The following YLPM1 variants were observed in gnomAD, a reference collection of about 807,000 sequenced individuals.
YLPM1 encodes the protein YLP motif containing 1.
YLPM1 carries 99 observed loss-of-function variants against 230.0 expected under a neutral mutation model. The ratio of observed to expected loss-of-function variants is 0.43; its 90% CI spans 0.37 to 0.51. The LOEUF (loss-of-function observed/expected upper bound fraction) is 0.51. Among genes scored for constraint, YLPM1 ranks in the 20% least tolerant of loss-of-function variants. YLPM1 has a pLI of 0.00. For synonymous variants in YLPM1, 984 were observed against 942.5 expected (o/e 1.04, Z -0.81); for missense variants, 2,592 against 2,707.7 (o/e 0.96, Z 0.95).
chr14:74,829,683 G>C (rs2091593212), intron 19 of YLPM1, among the ~76,000 whole-genome samples: 1 of 152,134 alleles, frequency 6.6e-6, no homozygotes, highest in African/African-American at 2.4e-5. Flanking sequence ...TAATGGATGG[G>C]ATGTGGAGGG....
Position 74,763,473 on chromosome 14 carries a change from G to C in YLPM1, c.-17G>C, listed in dbSNP as rs1181690827. The C allele has an allele frequency of 6.9e-7, 1 of 1,439,624 alleles. No individual in the cohort carries two copies. The highest frequency in any genetic ancestry group is 1.5e-5 in the South Asian group (1 of 66,132). The allele number at this position is 1,439,624 out of a possible 1,614,324, so 89.2% of individuals were successfully genotyped here. A position where few individuals can be genotyped will look rare whatever the true frequency, so the allele number is the denominator to read the frequency against. ...GAGTAACGGCGCCAGGACGAGCCCTGCGCCTTCTTTTTCGATATGTACCCG... is the reference window on the plus strand; with the variant it reads ...GAGTAACGGCGCCAGGACGAGCCCTCCGCCTTCTTTTTCGATATGTACCCG... On this transcript the variant is annotated 5_prime_UTR_variant, in exon 1 of 21. Transcript: ENST00000325680.
chr14:74,820,014 A>G (rs2091508635), intron 16 of YLPM1, among the ~76,000 whole-genome samples: 1 of 152,198 alleles, frequency 6.6e-6, no homozygotes, highest in Non-Finnish European at 1.5e-5. Flanking sequence ...GAATTATATT[A>G]CTATCTAAAT....
At position 74,763,768 on chromosome 14, in the gene YLPM1, G is replaced by A. The variant is rs748636491; in HGVS notation, c.279G>A (p.Pro93=). ...PPPLPPPPVM[P]GGGYGDWQPP... is the part of the protein sequence containing the mutation. Reference sequence around the variant, plus strand: ...CTCTGCCGCCCCCGCCAGTGATGCCGGGGGGCGGCTACGGAGACTGGCAGC... The same window carrying A: ...CTCTGCCGCCCCCGCCAGTGATGCCAGGGGGCGGCTACGGAGACTGGCAGC... The change falls in exon 1 of 21, where the codon CCG becomes CCA. Residue 93 remains proline, a synonymous_variant. Coordinates refer to ENST00000325680, the MANE Select transcript of YLPM1 (RefSeq NM_019589.3). The A allele has an allele frequency of 3.7e-5, 55 of 1,474,544 alleles. No homozygotes were observed. The highest frequency in any genetic ancestry group is 4.6e-5 in the Non-Finnish European group (51 of 1,112,346). 91.3% of individuals were successfully genotyped at this position (1,474,544 alleles called of 1,614,324 possible). A position where few individuals can be genotyped will look rare whatever the true frequency, so the allele number is the denominator to read the frequency against.
chr14:74,766,049 A>G (rs1341103549), intron 1 of YLPM1, among the ~76,000 whole-genome samples: 7 of 152,184 alleles, frequency 4.6e-5, no homozygotes, highest in African/African-American at 1.7e-4. Flanking sequence ...GTTTCCATGA[A>G]GCCCTGCTTG....
At position 74,780,449 on chromosome 14, in the gene YLPM1, T is replaced by C; in HGVS notation, c.1155T>C (p.Ala385=). 1 of 1,613,896 alleles carries C rather than the reference T, an allele frequency of 6.2e-7. No individual in the cohort carries two copies. ...ATGCCAGGTTAAAGCAGTTGCAGGC[T>C]GCAGCAGCACACTGGCAGCAGCACC... is the stretch of plus-strand genomic sequence containing the variant. ...EEDARLKQLQ[A]AAAHWQQHQQ... Residue 385 remains alanine, a synonymous_variant, in exon 3 of 21, where the codon GCT becomes GCC. Transcript: ENST00000325680.
At chr14:74,808,803 T>G (rs566307281) in intron 6 of YLPM1, among the ~76,000 whole-genome samples, 1,010 of 87,108 alleles carry the variant, frequency 0.012, 16 homozygotes, top group African/African-American at 0.045. Flanking sequence ...AAACTCCGTC[T>G]CAAAAAAAAA....
chr14:74,780,373 T>TTACA (rs750522505), intron 2 of YLPM1, 32 bp from the exon 3 acceptor site: 2 of 1,570,664 alleles, frequency 1.3e-6, no homozygotes, highest in Admixed American at 3.8e-5. Flanking sequence ...GTTTTATGAC[T>TTACA]TACATAAAGA....
chr14:74,779,807 C>T (rs1339916750), intron 2 of YLPM1, among the ~76,000 whole-genome samples: 1 of 146,956 alleles, frequency 6.8e-6, no homozygotes, highest in African/African-American at 2.5e-5. Context: ...CCCCTCCCCT[C>T]CTTTTTTTTT....
chr14:74,785,888 A>G (rs1357179345), intron 4 of YLPM1, among the ~76,000 whole-genome samples: 2 of 152,200 alleles, frequency 1.3e-5, no homozygotes, highest in Non-Finnish European at 2.9e-5. Flanking sequence ...CTGTTTTGAC[A>G]CTGTGTATAT....
rs1196751409 is a variant in YLPM1, at chr14:74,775,534, C to T, written c.874-2913C>T. The stretch of plus-strand genomic sequence containing the variant: ...GCAAGTAAAGTGAATTCATTTAACA[C>T]AGGAACCAAAAGTTTATTGTAAAAC... On this transcript the variant is annotated intron_variant, in intron 1 of 20. Coordinates refer to ENST00000325680, the MANE Select transcript of YLPM1 (RefSeq NM_019589.3). 2.0e-5 allele frequency among the ~76,000 whole-genome samples: 3 copies of T among 152,122 alleles called. 1 individual carries two copies. Among genetic ancestry groups the T allele is most frequent in the South Asian group, 4.1e-4 (2 of 4,838 alleles).
intron 4 of YLPM1, among the ~76,000 whole-genome samples, chr14:74,794,452 G>A (rs2091238782): frequency 1.3e-5 from 2 of 152,182 alleles, no homozygotes; most frequent in Non-Finnish European, 2.9e-5. Flanking sequence ...AAAGTGCTGG[G>A]ATTACAGGCG....
chr14:74,768,335 C>G (rs919523716), intron 1 of YLPM1, among the ~76,000 whole-genome samples: 5 of 152,060 alleles, frequency 3.3e-5, no homozygotes, highest in African/African-American at 1.2e-4. Flanking sequence ...CTGCAACTTC[C>G]ACTTCCTGGG....
rs540789341 is a variant in YLPM1 at position 74,802,592 on chromosome 14, C to G, written c.4437C>G (p.Phe1479Leu). 5.6e-6 allele frequency: 9 copies of G among 1,612,662 alleles called. No individual in the cohort carries two copies. Among genetic ancestry groups the G allele is most frequent in the African/African-American group, 1.3e-5 (1 of 74,796 alleles). Residue 1479 changes from phenylalanine (F) to leucine (L), a missense_variant, in exon 6 of 21, where the codon TTC becomes TTG. Phe to Leu is a conservative substitution (Grantham distance 22). Coordinates refer to ENST00000325680, the MANE Select transcript of YLPM1 (RefSeq NM_019589.3). ...AACAGCTTCAAAAGATGAAAGACTT[C>G]GGGTCTGAGCCACAGATGGCTGACC... ...QKEQLQKMKD[F>L]GSEPQMADHL...
intron 1 of YLPM1, among the ~76,000 whole-genome samples, chr14:74,765,119 A>G (rs2090898791): frequency 6.6e-6 from 1 of 152,224 alleles, no homozygotes; most frequent in African/African-American, 2.4e-5. Context: ...GTTTGGTGAT[A>G]TCTTTTCATG....
At chr14:74,778,801 T>C in intron 2 of YLPM1, 118 bp downstream of exon 2, 1 of 784,526 alleles carries the variant, frequency 1.3e-6, no homozygotes, top group Non-Finnish European at 2.0e-6. Flanking sequence ...CCTATAAAGT[T>C]GCATTTGTGA....
intron 18 of YLPM1, 34 bp from the exon 19 acceptor site, chr14:74,829,179 T>G (rs1839258597): frequency 1.2e-6 from 2 of 1,611,158 alleles, no homozygotes; most frequent in Non-Finnish European, 1.7e-6. Flanking sequence ...CTCACACTCT[T>G]CCTTAATGCT....
Position 74,809,382 on chromosome 14 carries a change from T to C in YLPM1, c.4524T>C (p.Pro1508=), listed in dbSNP as rs1377722246. 4 of 1,607,072 alleles carry C rather than the reference T, an allele frequency of 2.5e-6. No individual in the cohort carries two copies. The highest frequency in any genetic ancestry group is 3.4e-6 in the Non-Finnish European group (4 of 1,176,560). ...NTSSRPGMYP[P]PGSYRPPPPM... ...AAGCTATTTATTCTGTTCTCTAGCC[T>C]CCAGGGTCGTATAGACCTCCCCCTC... The change falls in exon 7 of 21, where the codon CCT becomes CCC. Residue 1508 remains proline (P), a splice_region_variant and synonymous_variant. Coordinates refer to ENST00000325680, the MANE Select transcript of YLPM1 (RefSeq NM_019589.3).
intron 2 of YLPM1, 75 bp downstream of exon 2, chr14:74,778,758 A>C: frequency 2.3e-6 from 3 of 1,322,262 alleles, no homozygotes; most frequent in Non-Finnish European, 3.1e-6. Context: ...TACTTTTATC[A>C]TAAATGGATA....
In YLPM1 at chr14:74,829,337, G is replaced by A; in HGVS notation, c.6288G>A (p.Lys2096=). 1.2e-6 allele frequency: 2 copies of A among 1,612,942 alleles called. No homozygotes were observed. Among genetic ancestry groups the A allele is most frequent in the South Asian group, 1.1e-5 (1 of 91,046 alleles). The part of the protein sequence containing the change: ...DYDTRASEPG[K]KRVRWADLEE... ...ATACTCGTGCTTCTGAGCCTGGGAA[G>A]AAGAGGGTAAGAGACTTTGTCAATA... The change falls in exon 19 of 21, where the codon AAG becomes AAA. Residue 2096 remains lysine, a synonymous_variant. Transcript: ENST00000325680.
Sources: allele counts gnomAD v4.1 joint callset (sites outside exome capture counted in the v4.1 genomes callset), GRCh38; gene constraint gnomAD v4.1.1; transcripts MANE v1.5; gene names NCBI Gene and HGNC (gene_info 2026-07-23, HGNC 2026-07-21).